Variants in NINJ2 observed in about 807,000 individuals in gnomAD.
NINJ2 encodes the protein ninjurin 2.
In NINJ2, 12 loss-of-function variants were observed where a neutral mutation model predicts 11.7. The observed-to-expected ratio is 1.02, with a 90% CI of 0.66 to 1.66. The LOEUF is 1.66. Among genes scored for constraint, NINJ2 ranks in the 40% most tolerant of loss-of-function variants. The pLI is 0.00. For synonymous variants in NINJ2, 93 were observed against 76.8 expected, an observed-to-expected ratio of 1.21 and a Z score of -1.10; for missense variants, 187 against 181.8, an observed-to-expected ratio of 1.03 and a Z score of -0.16.
At position 653,166 on chromosome 12, in the gene NINJ2, ACC is replaced by A. The variant is rs1278557691; in HGVS notation, c.33+10160_33+10161del. Among the ~76,000 whole-genome samples the A allele has an allele frequency of 1.1e-4, 17 of 151,224 alleles. No individual in the cohort carries two copies. In the East Asian group the frequency reaches 3.4e-3, roughly 30 times the overall value. On this transcript the variant is annotated intron_variant, in intron 1 of 3. Coordinates refer to ENST00000305108, the MANE Select transcript of NINJ2 (RefSeq NM_016533.6). ...CTCCCGAGTAGCTGGGACTACAGGC[ACC>A]CGCCACCATGCCTGGCTAATGTTTT...
intron 1 of NINJ2, among the ~76,000 whole-genome samples, chr12:658,646 TTATGC>T (rs141722591): frequency 0.025 from 3,291 of 130,762 alleles, 9 homozygotes; most frequent in African/African-American, 0.051. Flanking sequence ...AACTTCTCTA[TTATGC>T]TATGCTATGC....
chr12:572,850 A>ATTTTT (rs539715060), intron 1 of NINJ2, among the ~76,000 whole-genome samples: 1 of 96,146 alleles, frequency 1.0e-5, no homozygotes, highest in South Asian at 3.8e-4. Context: ...AGAGCCTGTA[A>ATTTTT]TTTTTTTTTT....
At chr12:609,637 G>A (rs1438098839) in intron 1 of NINJ2, among the ~76,000 whole-genome samples, 3 of 152,110 alleles carry the variant, frequency 2.0e-5, no homozygotes, top group East Asian at 1.9e-4. Flanking sequence ...CGGGCGTGGT[G>A]GCGGGCGCCT....
chr12:596,520 T>G (rs562999499), intron 1 of NINJ2, among the ~76,000 whole-genome samples: 4 of 152,236 alleles, frequency 2.6e-5, no homozygotes, highest in African/African-American at 9.6e-5. Context: ...CGCTATGAAT[T>G]TCGCTGTGAA....
chr12:650,080 A>T (rs1467563487), intron 1 of NINJ2, among the ~76,000 whole-genome samples: 1 of 144,230 alleles, frequency 6.9e-6, no homozygotes, highest in Admixed American at 6.9e-5. Context: ...AGATTAGTAG[A>T]TTTTTTTTTT....
chr12:620,654 G>C (rs554630482), intron 1 of NINJ2, among the ~76,000 whole-genome samples: 1 of 148,234 alleles, frequency 6.7e-6, no homozygotes, highest in Non-Finnish European at 1.5e-5. Context: ...TTTTGAGACA[G>C]AGTCTTACTC....
At position 609,043 on chromosome 12, in the gene NINJ2, G is replaced by A. The variant is rs1195260570; in HGVS notation, c.34-42865C>T. Among the ~76,000 whole-genome samples, 5 of 150,476 alleles carry A rather than the reference G, an allele frequency of 3.3e-5. No homozygotes were observed. In the East Asian group the frequency reaches 5.9e-4, roughly 18 times the overall value. On this transcript the variant is annotated intron_variant, in intron 1 of 3. Transcript: ENST00000305108. ...GCTAGGGGCTGTACGCACGCACGGCGCCACGCGCTAGGGGCTGAACGCACA... is the reference window on the plus strand; with the variant it reads ...GCTAGGGGCTGTACGCACGCACGGCACCACGCGCTAGGGGCTGAACGCACA...
chr12:565,364 T>C lies in NINJ2; in HGVS notation c.300A>G (p.Arg100=). The C allele has an allele frequency of 6.2e-7, 1 of 1,614,006 alleles. No individual in the cohort carries two copies. The highest frequency in any genetic ancestry group is 8.5e-7 in the Non-Finnish European group (1 of 1,179,958). Residue 100 remains arginine, a synonymous_variant, in exon 3 of 4, where the codon CGA becomes CGG. Coordinates refer to ENST00000305108, the MANE Select transcript of NINJ2 (RefSeq NM_016533.6). ...TGGCTGCGTTGTTGAGCTGGTTGAG[T>C]CGCCACTGCTTTTCTACCTCATTCA... The part of the protein sequence containing the change: ...LNLNEVEKQW[R]LNQLNNAATI...
At position 624,130 on chromosome 12, in the gene NINJ2, T is replaced by A. The variant is rs186633230; in HGVS notation, c.33+39198A>T. On this transcript the variant is annotated intron_variant, in intron 1 of 3. Transcript: ENST00000305108. ...CCCTCACCCTGAACTCTACGTCCCATCCTCTTACTCTACAACCTACTATGC... is the reference window on the plus strand; with the variant it reads ...CCCTCACCCTGAACTCTACGTCCCAACCTCTTACTCTACAACCTACTATGC... Among the ~76,000 whole-genome samples, 31 of 152,338 alleles carry A rather than the reference T, an allele frequency of 2.0e-4. No homozygotes were observed. The East Asian group carries it at 5.0e-3, about 25-fold the overall frequency.
chr12:634,984 A>G (rs918070637), intron 1 of NINJ2, among the ~76,000 whole-genome samples: 1 of 151,904 alleles, frequency 6.6e-6, no homozygotes, highest in African/African-American at 2.4e-5. Context: ...TCTCAGGCTA[A>G]TCCTTCCCCA....
intron 1 of NINJ2, among the ~76,000 whole-genome samples, chr12:606,557 T>C (rs1027234449): frequency 6.6e-6 from 1 of 152,200 alleles, no homozygotes; most frequent in Non-Finnish European, 1.5e-5. Context: ...AGCCACATCA[T>C]TGTCAGCTTT....
In NINJ2 at chr12:655,231, T is replaced by G. The variant is rs553997533; in HGVS notation, c.33+8097A>C. The stretch of plus-strand genomic sequence containing the variant: ...TCAGTATGAACAAGTCTTAGCAGTT[T>G]CCCAGTCTTTGCTAGGAAGTCCTAG... On this transcript the variant is annotated intron_variant, in intron 1 of 3. Transcript: ENST00000305108. Among the ~76,000 whole-genome samples, 20 of 152,350 alleles carry G rather than the reference T, an allele frequency of 1.3e-4. No individual in the cohort carries two copies. In the South Asian group the frequency reaches 3.3e-3, roughly 25 times the overall value.
chr12:568,590 T>C (rs740895), intron 1 of NINJ2, among the ~76,000 whole-genome samples: 76,591 of 152,084 alleles, frequency 0.5, 20,376 homozygotes, highest in East Asian at 0.79. Context: ...GGACCAGTCA[T>C]TGGAGGATCA....
rs1367022133 is a variant in NINJ2 at position 581,924 on chromosome 12, C to T, written c.34-15746G>A. 6.6e-6 allele frequency among the ~76,000 whole-genome samples: 1 copy of T among 152,158 alleles called. No individual in the cohort carries two copies. The highest frequency in any genetic ancestry group is 2.4e-5 in the African/African-American group (1 of 41,432). ...AACCAGATTCTCCGCGGACGCTGAA[C>T]ACACAAAAAGCCCAGCCCTGGAGGG... On this transcript the variant is annotated intron_variant, in intron 1 of 3. Transcript: ENST00000305108. This position sits in a 1 kb window ranked among gnomAD's most constrained non-coding sequence, Gnocchi z 4.9.
At chr12:643,750 A>C in intron 1 of NINJ2, 1 of 845,346 alleles carries the variant, frequency 1.2e-6, no homozygotes, top group Non-Finnish European at 1.4e-6. Context: ...CTCCCCCCTC[A>C]CATCATGGGA....
intron 1 of NINJ2, among the ~76,000 whole-genome samples, chr12:569,094 G>A (rs1947342930): frequency 6.6e-6 from 1 of 152,224 alleles, no homozygotes; most frequent in Non-Finnish European, 1.5e-5. Flanking sequence ...GCTGGTGCTG[G>A]GGGCAGCCAG....
chr12:588,319 T>C (rs2607928), intron 1 of NINJ2, among the ~76,000 whole-genome samples: 65,132 of 151,836 alleles, frequency 0.43, 14,383 homozygotes, highest in Non-Finnish European at 0.5. Context: ...CTCTTTCTAA[T>C]CTTAGAATGA....
chr12:659,273 T>C (rs1407040640), intron 1 of NINJ2, among the ~76,000 whole-genome samples: 1 of 152,006 alleles, frequency 6.6e-6, no homozygotes, highest in Non-Finnish European at 1.5e-5. Context: ...TAGTTCCTCT[T>C]TTGGCAGATC....
chr12:657,988 CTTTTTTTTTTTTT>C (rs1164230214), intron 1 of NINJ2, among the ~76,000 whole-genome samples: 3 of 54,396 alleles, frequency 5.5e-5, no homozygotes, highest in African/African-American at 1.5e-4. Context: ...CCTACACAGG[CTTTTTTTTTTTTT>C]TTTTTTTTTT....
Sources: gnomAD v4.1 joint callset for allele counts (sites outside exome capture counted in the v4.1 genomes callset) on GRCh38, gnomAD v4.1.1 for gene constraint, Gnocchi (gnomAD v3.1) non-coding constraint, MANE v1.5 for transcripts, NCBI Gene and HGNC (gene_info 2026-07-23, HGNC 2026-07-21) for gene names.